Variants in ROCK2 observed in about 807,000 individuals in gnomAD.
ROCK2 encodes rho-associated protein kinase 2.
ROCK2 carries 61 observed loss-of-function variants against 195.1 expected under a neutral mutation model. That is an observed-to-expected ratio of 0.31 (90% CI 0.25 to 0.39). The LOEUF is 0.39. Ranked by LOEUF, ROCK2 falls within the 10% of genes least tolerant of loss-of-function variation. ROCK2 has a pLI of 1.00. For synonymous variants in ROCK2, 504 were observed against 545.5 expected (o/e 0.92, Z 1.06); for missense variants, 1,109 against 1,637.4 (o/e 0.68, Z 5.57).
chr2:11,277,228 G>C (rs879769817), intron 3 of ROCK2, among the ~76,000 whole-genome samples: 2 of 152,138 alleles, frequency 1.3e-5, no homozygotes, highest in Non-Finnish European at 2.9e-5. Context: ...AAAATGTTAT[G>C]TATCCACCAA....
chr2:11,327,883 G>A (rs1453075112), intron 1 of ROCK2, among the ~76,000 whole-genome samples: 1 of 152,160 alleles, frequency 6.6e-6, no homozygotes, highest in Admixed American at 6.5e-5. Flanking sequence ...TTTTAAAGGG[G>A]CATATGTTAC....
At chr2:11,276,157 GA>G (rs1332913775) in intron 3 of ROCK2, among the ~76,000 whole-genome samples, 1 of 152,172 alleles carries the variant, frequency 6.6e-6, no homozygotes, top group Admixed American at 6.5e-5. Flanking sequence ...TAAAGAACAA[GA>G]AAAGGCTTGT....
At chr2:11,208,069 ATAATTG>A (rs1046135976) in intron 19 of ROCK2, among the ~76,000 whole-genome samples, 159 bp from the exon 20 acceptor site, 35 of 151,392 alleles carry the variant, frequency 2.3e-4, no homozygotes, top group Admixed American at 5.3e-4. Context: ...TAATAATATT[ATAATTG>A]TATTTTTTAA....
At chr2:11,222,311 T>C (rs1664663601) in intron 7 of ROCK2, 137 bp from the exon 8 acceptor site, 1 of 547,654 alleles carries the variant, frequency 1.8e-6, no homozygotes, top group East Asian at 2.9e-5. Flanking sequence ...CTTAAATGTT[T>C]CTCAAAAATA....
chr2:11,229,783 T>C (rs1664940921), intron 5 of ROCK2, among the ~76,000 whole-genome samples: 1 of 152,142 alleles, frequency 6.6e-6, no homozygotes, highest in Non-Finnish European at 1.5e-5. Context: ...ACAAAAATAA[T>C]ATATTTTGGT....
chr2:11,231,027 T>C (rs1255522535), intron 5 of ROCK2, among the ~76,000 whole-genome samples: 1 of 152,170 alleles, frequency 6.6e-6, no homozygotes, highest in Non-Finnish European at 1.5e-5. Flanking sequence ...ATATGATACA[T>C]TTAAAATAAT....
intron 17 of ROCK2, 115 bp from the exon 18 acceptor site, chr2:11,211,955 A>C (rs1163044393): frequency 2.7e-6 from 2 of 747,848 alleles, no homozygotes; most frequent in South Asian, 2.6e-5. Flanking sequence ...ACCCAGGCTG[A>C]AGTGCAGTGG....
intron 4 of ROCK2, among the ~76,000 whole-genome samples, chr2:11,248,915 T>C (rs1293086834): frequency 6.6e-6 from 1 of 151,916 alleles, no homozygotes. Flanking sequence ...TTTTTTGTTT[T>C]AGACGGAGTC....
chr2:11,303,645 C>G (rs766301935), intron 1 of ROCK2, among the ~76,000 whole-genome samples: 8 of 152,202 alleles, frequency 5.3e-5, no homozygotes, highest in Admixed American at 6.5e-5. Flanking sequence ...ACCTCCCATA[C>G]AGCTGCCATT....
intron 1 of ROCK2, among the ~76,000 whole-genome samples, chr2:11,307,051 G>A (rs1037112826): frequency 3.3e-5 from 5 of 152,112 alleles, no homozygotes; most frequent in Non-Finnish European, 5.9e-5. Context: ...TCATTACCAC[G>A]TTTCCTTGAA....
At chr2:11,203,344 C>T (rs1303707963) in intron 20 of ROCK2, among the ~76,000 whole-genome samples, 1 of 152,104 alleles carries the variant, frequency 6.6e-6, no homozygotes, top group Non-Finnish European at 1.5e-5. Context: ...CTCAACCTCA[C>T]ATATATTTGT....
intron 9 of ROCK2, 108 bp from the exon 10 acceptor site, chr2:11,219,134 T>C (rs1664534564): frequency 3.8e-6 from 2 of 529,768 alleles, no homozygotes; most frequent in Non-Finnish European, 6.7e-6. Context: ...TTTCTCTCTT[T>C]TCCCTTCAAC....
chr2:11,200,612 T>C (rs1335490534), intron 23 of ROCK2, among the ~76,000 whole-genome samples: 2 of 152,212 alleles, frequency 1.3e-5, no homozygotes, highest in Non-Finnish European at 2.9e-5. Context: ...ACCTAACTAC[T>C]TGATATTTGA....
chr2:11,206,272 A>G (rs1019679188), intron 20 of ROCK2, among the ~76,000 whole-genome samples: 13 of 152,198 alleles, frequency 8.5e-5, no homozygotes, highest in African/African-American at 3.1e-4. Context: ...GGACTAAGAA[A>G]TAACAGAACG....
rs1463787294 is a variant in ROCK2, at chr2:11,252,951, A to AATAATT, written c.325-3154_325-3153insAATTAT. 2.4e-5 allele frequency among the ~76,000 whole-genome samples: 3 copies of AATAATT among 124,582 alleles called. No homozygotes were observed. In the East Asian group the frequency reaches 5.9e-4, roughly 25 times the overall value. The allele number at this position is 124,582 out of a possible 152,430, so 81.7% of individuals were successfully genotyped here. A position where few individuals can be genotyped will look rare whatever the true frequency, so the allele number is the denominator to read the frequency against. ...CAGAACTTAAAAGTATAATAATAAT[A>AATAATT]ATAATAATAATAATAATAATAATAA... On this transcript the variant is annotated intron_variant, in intron 3 of 32. Transcript: ENST00000315872.
Position 11,286,581 on chromosome 2 carries a change from A to G in ROCK2, c.282T>C (p.Val94=). 1.5e-5 allele frequency: 24 copies of G among 1,612,858 alleles called. No homozygotes were observed. The highest frequency in any genetic ancestry group is 2.0e-5 in the Non-Finnish European group (24 of 1,179,164). Residue 94 remains valine, a synonymous_variant, in exon 3 of 33, where the codon GTT becomes GTC. Coordinates refer to ENST00000315872, the MANE Select transcript of ROCK2 (RefSeq NM_004850.5). ...GLQMKAEDYD[V]VKVIGRGAFG... Reference sequence around the variant, plus strand: ...AAGCACCTCTTCCAATAACTTTTACAACATCATAGTCTTCTGCCTTCATCT... The same window carrying G: ...AAGCACCTCTTCCAATAACTTTTACGACATCATAGTCTTCTGCCTTCATCT...
chr2:11,292,721 T>C (rs956470046), intron 1 of ROCK2, among the ~76,000 whole-genome samples: 1 of 152,166 alleles, frequency 6.6e-6, no homozygotes, highest in African/African-American at 2.4e-5. Flanking sequence ...TTTCCTCTGT[T>C]TGCTATTTCA....
intron 1 of ROCK2, among the ~76,000 whole-genome samples, chr2:11,332,727 A>G (rs752965947): frequency 6.6e-6 from 1 of 152,236 alleles, no homozygotes; most frequent in Non-Finnish European, 1.5e-5. Flanking sequence ...ATGACCCTGC[A>G]GTCCCACTCC....
chr2:11,294,595 T>C (rs1667456061), intron 1 of ROCK2, among the ~76,000 whole-genome samples: 1 of 152,128 alleles, frequency 6.6e-6, no homozygotes, highest in Admixed American at 6.5e-5. Flanking sequence ...CTTTGAATAA[T>C]TATTGGTATT....
Sources: gnomAD v4.1 joint callset for allele counts (sites outside exome capture counted in the v4.1 genomes callset) on GRCh38, gnomAD v4.1.1 for gene constraint, MANE v1.5 for transcripts, NCBI Gene and HGNC (gene_info 2026-07-23, HGNC 2026-07-21) for gene names.